Variants in TRPC3 observed in about 807,000 individuals in gnomAD.
The protein encoded by TRPC3 is transient receptor potential cation channel subfamily C member 3.
TRPC3 carries 54 observed loss-of-function variants against 90.9 expected under a neutral mutation model. That is an observed-to-expected ratio of 0.59 (90% CI 0.48 to 0.75). The LOEUF (loss-of-function observed/expected upper bound fraction) is 0.75, where lower values mean the gene tolerates loss of function less well. TRPC3 is among the 30% of genes least tolerant of loss of function. TRPC3 has a pLI of 0.00. For missense variants in TRPC3, 918 were observed against 1,194.5 expected (o/e 0.77, Z 3.41); for synonymous variants, 424 against 450.9 (o/e 0.94, Z 0.75).
intron 2 of TRPC3, among the ~76,000 whole-genome samples, chr4:121,927,379 T>C (rs946232908): frequency 6.6e-6 from 1 of 152,166 alleles, no homozygotes; most frequent in African/African-American, 2.4e-5. Context: ...AGACTCCAGT[T>C]CTACTTTTAT....
chr4:121,944,798 A>G (rs1301628050), intron 1 of TRPC3, among the ~76,000 whole-genome samples: 2 of 152,220 alleles, frequency 1.3e-5, no homozygotes, highest in African/African-American at 4.8e-5. Flanking sequence ...TTTCATAAAT[A>G]AATTAATACT....
At chr4:121,917,659 TAA>T (rs1479853100) in intron 3 of TRPC3, among the ~76,000 whole-genome samples, 1 of 152,220 alleles carries the variant, frequency 6.6e-6, no homozygotes, top group African/African-American at 2.4e-5. Flanking sequence ...AATCAGAATT[TAA>T]AAGAGTCTTA....
rs1729977316 is a variant in TRPC3 at position 121,932,538 on chromosome 4, C to T, written c.720G>A (p.Ala240=). 1 of 1,614,206 alleles carries T rather than the reference C, an allele frequency of 6.2e-7. No individual in the cohort carries two copies. The highest frequency in any genetic ancestry group is 8.5e-7 in the Non-Finnish European group (1 of 1,180,040). ...CCACTTCGTATTTCTGGCAGTGCGC[C>T]GCCAGGATGATGGGGGTGATGTCCG... is the stretch of plus-strand genomic sequence containing the variant. ...FSPDITPIIL[A]AHCQKYEVVH... The change falls in exon 2 of 12, where the codon GCG becomes GCA. Residue 240 remains alanine, a synonymous_variant. Coordinates refer to ENST00000379645, the MANE Select transcript of TRPC3 (RefSeq NM_001130698.2). The surrounding 1 kb of genome is among the most constrained non-coding windows in gnomAD (Gnocchi z 7.7).
rs72919967 is a variant in TRPC3, at chr4:121,921,606, G to A, written c.1176+3412C>T. Among the ~76,000 whole-genome samples, 630 of 151,424 alleles carry A rather than the reference G, an allele frequency of 4.2e-3. 3 individuals carry two copies. Among genetic ancestry groups the A allele is most frequent in the African/African-American group, 0.015 (611 of 41,310 alleles). The stretch of plus-strand genomic sequence containing the variant: ...ACAATTAGATAAGAATGGTTTCCTT[G>A]GTGGAATTATGGGTTGATTTGAATA... On this transcript the variant is annotated intron_variant, in intron 3 of 11. Coordinates refer to ENST00000379645, the MANE Select transcript of TRPC3 (RefSeq NM_001130698.2).
rs752452853 is a variant in TRPC3, at chr4:121,932,649, G to T, written c.609C>A (p.Ser203Arg). 18 of 1,612,396 alleles carry T rather than the reference G, an allele frequency of 1.1e-5. No homozygotes were observed. The highest frequency in any genetic ancestry group is 6.8e-6 in the Non-Finnish European group (8 of 1,178,824). ...CACAGGGGCTCAGAGTGAGACGCTTGCTGGCCGCGAAGCCAGGGTGGTTGA... is the reference window on the plus strand; with the variant it reads ...CACAGGGGCTCAGAGTGAGACGCTTTCTGGCCGCGAAGCCAGGGTGGTTGA... ...AILNHPGFAA[S>R]KRLTLSPCEQ... The change falls in exon 2 of 12, where the codon AGC becomes AGA. Residue 203 changes from serine (S) to arginine (R), a missense_variant. Around this residue, in one of 4 missense-constraint regions of TRPC3, gnomAD observed 609 missense variants for 725.9 expected, o/e 0.84. Coordinates refer to ENST00000379645, the MANE Select transcript of TRPC3 (RefSeq NM_001130698.2). This position sits in a 1 kb window ranked among gnomAD's most constrained non-coding sequence, Gnocchi z 7.7.
chr4:121,929,364 A>T (rs1729818450), intron 2 of TRPC3, among the ~76,000 whole-genome samples: 3 of 152,164 alleles, frequency 2.0e-5, no homozygotes, highest in Non-Finnish European at 1.5e-5. Context: ...AAACTGAGGC[A>T]CAGGGAAGCA....
intron 10 of TRPC3, among the ~76,000 whole-genome samples, chr4:121,891,948 A>T (rs1397750006): frequency 1.3e-5 from 2 of 152,176 alleles, no homozygotes; most frequent in Non-Finnish European, 2.9e-5. Flanking sequence ...ATGCATAAAT[A>T]ATCCTTTTTT....
intron 1 of TRPC3, among the ~76,000 whole-genome samples, chr4:121,944,665 G>T (rs377348176): frequency 2.3e-4 from 35 of 152,130 alleles, no homozygotes; most frequent in African/African-American, 7.9e-4. Flanking sequence ...TTGGCAGGGG[G>T]TCAACTGTGC....
chr4:121,924,968 T>C (rs768387219), intron 3 of TRPC3, 50 bp downstream of exon 3: 15 of 1,545,418 alleles, frequency 9.7e-6, no homozygotes, highest in Non-Finnish European at 9.6e-6. Context: ...GCATAGTTTG[T>C]ATCACATGTT....
intron 1 of TRPC3, among the ~76,000 whole-genome samples, chr4:121,948,547 C>T (rs769733381): frequency 2.0e-5 from 3 of 152,278 alleles, no homozygotes; most frequent in African/African-American, 7.2e-5. Context: ...TAATCAGTGG[C>T]TCCCTAGTGC....
chr4:121,924,263 C>G (rs1423468289), intron 3 of TRPC3, among the ~76,000 whole-genome samples: 1 of 152,108 alleles, frequency 6.6e-6, no homozygotes, highest in South Asian at 2.1e-4. Context: ...GTAAAAATGC[C>G]TTACAAAAAT....
chr4:121,892,231 A>G (rs988321458), intron 10 of TRPC3, among the ~76,000 whole-genome samples: 1 of 152,226 alleles, frequency 6.6e-6, no homozygotes, highest in African/African-American at 2.4e-5. Context: ...TAAGATAAAC[A>G]CCAAGACATA....
chr4:121,879,361 A>T lies in TRPC3; in HGVS notation c.*375T>A, dbSNP rs1469006215. The T allele has an allele frequency of 1.1e-5, 2 of 180,254 alleles. No homozygotes were observed. Among genetic ancestry groups the T allele is most frequent in the African/African-American group, 4.8e-5 (2 of 41,712 alleles). 11.2% of individuals were successfully genotyped at this position (180,254 alleles called of 1,614,324 possible). On this transcript the variant is annotated 3_prime_UTR_variant, in exon 12 of 12. Coordinates refer to ENST00000379645, the MANE Select transcript of TRPC3 (RefSeq NM_001130698.2). ...ATTTATTGAGCACCTACTATATACC[A>T]GGCACTGTACTAGATGCTGGAGACA...
chr4:121,949,655 C>T (rs903842891), intron 1 of TRPC3, among the ~76,000 whole-genome samples: 1 of 152,180 alleles, frequency 6.6e-6, no homozygotes, highest in Non-Finnish European at 1.5e-5. Context: ...GAGCTTGCTG[C>T]CCTGCCTCTA....
intron 3 of TRPC3, among the ~76,000 whole-genome samples, chr4:121,923,812 C>A (rs1017217017): frequency 6.6e-6 from 1 of 152,182 alleles, no homozygotes; most frequent in Non-Finnish European, 1.5e-5. Context: ...GCAGAAAAGA[C>A]AGAACACTTG....
At position 121,951,387 on chromosome 4, in the gene TRPC3, G is replaced by A; in HGVS notation, c.215+79C>T. On this transcript the variant is annotated intron_variant, in intron 1 of 11. Transcript: ENST00000379645. This position sits in a 1 kb window ranked among gnomAD's most constrained non-coding sequence, Gnocchi z 4.4. ...TCGGAGGTCCCGGGCTCGACGTGGA[G>A]CCGCCCGGCGCGCGCCTTCCCGCCC... 1 of 996,694 alleles carries A rather than the reference G, an allele frequency of 1.0e-6. No individual in the cohort carries two copies. Among genetic ancestry groups the A allele is most frequent in the South Asian group, 4.9e-5 (1 of 20,204 alleles). The allele number at this position is 996,694 out of a possible 1,614,324, so 61.7% of individuals were successfully genotyped here. A position where few individuals can be genotyped will look rare whatever the true frequency, so the allele number is the denominator to read the frequency against.
intron 3 of TRPC3, among the ~76,000 whole-genome samples, chr4:121,921,277 C>G (rs1335831410): frequency 2.0e-5 from 3 of 151,978 alleles, no homozygotes; most frequent in Admixed American, 6.6e-5. Flanking sequence ...AATCCCAGCA[C>G]TTTGGGAGGC....
intron 10 of TRPC3, among the ~76,000 whole-genome samples, chr4:121,893,070 G>A (rs1276660319): frequency 1.0e-4 from 15 of 145,716 alleles, no homozygotes; most frequent in Admixed American, 5.7e-4. Flanking sequence ...GCAGTGAGCC[G>A]AGATTGCACC....
At chr4:121,922,287 G>T (rs986450292) in intron 3 of TRPC3, among the ~76,000 whole-genome samples, 3 of 152,052 alleles carry the variant, frequency 2.0e-5, no homozygotes, top group African/African-American at 7.2e-5. Flanking sequence ...TTCTAGAATA[G>T]AATTCTTACA....
Sources: allele counts gnomAD v4.1 joint callset (sites outside exome capture counted in the v4.1 genomes callset), GRCh38; gene constraint gnomAD v4.1.1; regional missense constraint gnomAD v4.1.1; non-coding constraint Gnocchi (gnomAD v3.1); transcripts MANE v1.5; gene names NCBI Gene and HGNC (gene_info 2026-07-23, HGNC 2026-07-21).